Variants in PDE7B observed in about 807,000 individuals in gnomAD.
The protein encoded by PDE7B is phosphodiesterase 7B.
In PDE7B, 29 loss-of-function variants were observed where a neutral mutation model predicts 56.2. The ratio of observed to expected loss-of-function variants is 0.52; its 90% confidence interval spans 0.38 to 0.70. PDE7B has a LOEUF of 0.70. Among genes scored for constraint, PDE7B ranks in the 30% least tolerant of loss-of-function variants. PDE7B has a pLI of 0.00. For synonymous variants in PDE7B, 197 were observed against 196.9 expected, an observed-to-expected ratio of 1.00 and a Z score of 0.00; for missense variants, 490 against 565.0, an observed-to-expected ratio of 0.87 and a Z score of 1.35.
At chr6:135,990,981 G>C (rs145826600) in intron 2 of PDE7B, among the ~76,000 whole-genome samples, 141 of 152,352 alleles carry the variant, frequency 9.3e-4, no homozygotes, top group African/African-American at 3.2e-3. Context: ...TTCTGGGAAA[G>C]GGGTGGGCAA....
intron 1 of PDE7B, among the ~76,000 whole-genome samples, chr6:135,857,831 G>A (rs183707750): frequency 1.3e-5 from 2 of 152,114 alleles, no homozygotes; most frequent in Admixed American, 1.3e-4. Flanking sequence ...AGTGGAGGGG[G>A]GAAGCTACAT....
At chr6:136,094,149 C>A (rs1777436160) in intron 2 of PDE7B, 1 of 152,280 alleles carries the variant, frequency 6.6e-6, no homozygotes, top group South Asian at 2.1e-4. Flanking sequence ...GTGCAAGGGG[C>A]AAGCCAGCTC....
At chr6:136,145,667 C>A (rs141365815) in intron 3 of PDE7B, among the ~76,000 whole-genome samples, 2 of 152,124 alleles carry the variant, frequency 1.3e-5, no homozygotes, top group African/African-American at 4.8e-5. Context: ...GCATCTTCCT[C>A]CCAGCAATAC....
intron 8 of PDE7B, among the ~76,000 whole-genome samples, chr6:136,169,102 A>AG (rs1218618605): frequency 6.6e-6 from 1 of 152,042 alleles, no homozygotes; most frequent in Non-Finnish European, 1.5e-5. Flanking sequence ...AAGAAACCTG[A>AG]GTTTTTTATG....
rs570765595 is a variant in PDE7B, at chr6:136,165,211, G to C, written c.712-8586G>C. Among the ~76,000 whole-genome samples the C allele has an allele frequency of 3.3e-5, 5 of 152,160 alleles. No homozygotes were observed. The South Asian group carries it at 1.0e-3, about 32-fold the overall frequency. Reference sequence around the variant, plus strand: ...TCTGGAAGAGGAAGCTGTCAGTTCTGTTGAGAGAACCAAGAAAGGCTTTCC... The same window carrying C: ...TCTGGAAGAGGAAGCTGTCAGTTCTCTTGAGAGAACCAAGAAAGGCTTTCC... On this transcript the variant is annotated intron_variant, in intron 8 of 12. Coordinates refer to ENST00000308191, the MANE Select transcript of PDE7B (RefSeq NM_018945.4).
At chr6:136,153,156 A>C (rs1445349756) in intron 6 of PDE7B, among the ~76,000 whole-genome samples, 1 of 152,238 alleles carries the variant, frequency 6.6e-6, no homozygotes, top group Non-Finnish European at 1.5e-5. Context: ...ATGGCCATGC[A>C]TAGGGCCAAA....
Position 136,096,480 on chromosome 6 carries a change from CTT to C in PDE7B, c.83-12235_83-12234del, listed in dbSNP as rs201836265. Among the ~76,000 whole-genome samples the C allele has an allele frequency of 7.3e-3, 809 of 110,148 alleles. 5 individuals carry two copies. The highest frequency in any genetic ancestry group is 0.027 in the African/African-American group (769 of 28,830). The allele number at this position is 110,148 out of a possible 152,430, so 72.3% of individuals were successfully genotyped here. A position where few individuals can be genotyped will look rare whatever the true frequency, so the allele number is the denominator to read the frequency against. On this transcript the variant is annotated intron_variant, in intron 2 of 12. Coordinates refer to ENST00000308191, the MANE Select transcript of PDE7B (RefSeq NM_018945.4). ...CCCATCTTTTCCTTCCCAATGAATG[CTT>C]TTTTTTTTTTTTTTTGGCAGTGTTT...
chr6:136,004,843 G>GA (rs1418822483), intron 2 of PDE7B, among the ~76,000 whole-genome samples: 3 of 151,930 alleles, frequency 2.0e-5, no homozygotes, highest in African/African-American at 7.3e-5. Context: ...CACAGAATTA[G>GA]AAAAAACTAC....
intron 2 of PDE7B, among the ~76,000 whole-genome samples, chr6:136,033,850 A>G (rs949830807): frequency 2.6e-5 from 4 of 151,294 alleles, no homozygotes; most frequent in African/African-American, 9.8e-5. Context: ...TTTTTTTTGA[A>G]TTGCATTTGT....
chr6:136,128,675 T>C (rs1430936324), intron 3 of PDE7B, among the ~76,000 whole-genome samples: 15 of 152,148 alleles, frequency 9.9e-5, no homozygotes, highest in Non-Finnish European at 5.9e-5. Flanking sequence ...GCATAGGCCC[T>C]GCCCTCAAGG....
intron 12 of PDE7B, among the ~76,000 whole-genome samples, chr6:136,190,386 G>C (rs940189093): frequency 1.3e-5 from 2 of 152,152 alleles, no homozygotes; most frequent in African/African-American, 4.8e-5. Context: ...AGTGTGTATT[G>C]CTGCATCCCT....
chr6:135,974,126 C>T (rs1022020735), intron 2 of PDE7B, among the ~76,000 whole-genome samples: 2 of 152,170 alleles, frequency 1.3e-5, no homozygotes, highest in African/African-American at 4.8e-5. Context: ...AACTGTTATA[C>T]ACTAACTAGT....
chr6:135,911,031 C>T (rs1296961932), intron 1 of PDE7B, among the ~76,000 whole-genome samples: 2 of 152,100 alleles, frequency 1.3e-5, no homozygotes, highest in Non-Finnish European at 2.9e-5. Flanking sequence ...CAAGGCTCTA[C>T]CCTGTGTACA....
chr6:135,979,751 C>A (rs1195231584), intron 2 of PDE7B, among the ~76,000 whole-genome samples: 1 of 152,016 alleles, frequency 6.6e-6, no homozygotes, highest in Non-Finnish European at 1.5e-5. Context: ...TGTGAAGGAC[C>A]TCTTCAAGGA....
rs528884398 is a variant in PDE7B, at chr6:136,186,407, G to A, written c.1046-629G>A. ...CATGCCACTGCACTCAAGCCTGGGTGACAGAATGAGACTCTGTCTCAAAAA... is the reference window on the plus strand; with the variant it reads ...CATGCCACTGCACTCAAGCCTGGGTAACAGAATGAGACTCTGTCTCAAAAA... On this transcript the variant is annotated intron_variant, in intron 11 of 12. Transcript: ENST00000308191. Among the ~76,000 whole-genome samples, 12 of 152,222 alleles carry A rather than the reference G, an allele frequency of 7.9e-5. No homozygotes were observed. The East Asian group carries it at 2.1e-3, about 27-fold the overall frequency.
chr6:135,860,247 GC>G (rs1407080684), intron 1 of PDE7B, among the ~76,000 whole-genome samples: 3 of 151,960 alleles, frequency 2.0e-5, no homozygotes, highest in South Asian at 2.1e-4. Flanking sequence ...TGCAACTTCA[GC>G]TTTTTGCTGA....
At chr6:136,145,331 CT>C (rs1778395794) in intron 3 of PDE7B, among the ~76,000 whole-genome samples, 1 of 152,086 alleles carries the variant, frequency 6.6e-6, no homozygotes, top group Non-Finnish European at 1.5e-5. Context: ...GTTGTCACTT[CT>C]GTCATTTTTA....
chr6:136,171,148 A>T (rs1778873001), intron 8 of PDE7B, among the ~76,000 whole-genome samples: 1 of 152,198 alleles, frequency 6.6e-6, no homozygotes, highest in African/African-American at 2.4e-5. Flanking sequence ...TATAAGAAAT[A>T]TTCATCATTT....
At chr6:136,043,045 A>T (rs1776439251) in intron 2 of PDE7B, among the ~76,000 whole-genome samples, 1 of 152,198 alleles carries the variant, frequency 6.6e-6, no homozygotes, top group Admixed American at 6.5e-5. Context: ...ACTTTCAAAT[A>T]CTCATTGGTT....
Sources: gnomAD v4.1 joint callset for allele counts (sites outside exome capture counted in the v4.1 genomes callset) on GRCh38, gnomAD v4.1.1 for gene constraint, MANE v1.5 for transcripts, NCBI Gene and HGNC (gene_info 2026-07-23, HGNC 2026-07-21) for gene names.